Variants in CC2D2A observed in about 807,000 individuals in gnomAD.
CC2D2A encodes the protein coiled-coil and C2 domain-containing protein 2A.
CC2D2A carries 155 observed loss-of-function variants against 212.9 expected under a neutral mutation model. The ratio of observed to expected loss-of-function variants is 0.73; its 90% CI spans 0.64 to 0.83. The LOEUF (loss-of-function observed/expected upper bound fraction) is 0.83. CC2D2A is among the 40% of genes least tolerant of loss of function. The pLI is 0.00. For synonymous variants in CC2D2A, 667 were observed against 686.5 expected (o/e 0.97, Z 0.44); for missense variants, 1,856 against 1,956.2 (o/e 0.95, Z 0.97).
rs747187783 is a variant in CC2D2A, at chr4:15,537,951, A to T, written c.1817A>T (p.Glu606Val). The T allele has an allele frequency of 3.1e-6, 5 of 1,609,924 alleles. No individual in the cohort carries two copies. The highest frequency in any genetic ancestry group is 1.7e-5 in the Admixed American group (1 of 59,500). Residue 606 changes from glutamate (E) to valine (V), a missense_variant, in exon 16 of 37, where the codon GAG (glutamate) becomes GTG (valine). Physicochemically the swap from Glu to Val is moderately radical, Grantham distance 121. Coordinates refer to ENST00000424120, the MANE Select transcript of CC2D2A (RefSeq NM_001378615.1). ...GCAGCAGAAGAACATCCCGGTGATG[A>T]GATTGCAGAGCCGTATCCCGAGGAG... Reference protein sequence around the residue: ...KQAAEEHPGDEIAEPYPEEDL... With the variant: ...KQAAEEHPGDVIAEPYPEEDL...
intron 2 of CC2D2A, among the ~76,000 whole-genome samples, chr4:15,477,301 CAAAA>C (rs368935605): frequency 2.3e-5 from 2 of 86,722 alleles, no homozygotes; most frequent in Admixed American, 1.3e-4. Context: ...GACTCCATCT[CAAAA>C]AAAAAAAAAA....
At chr4:15,581,558 T>A (rs1038015701) in intron 30 of CC2D2A, among the ~76,000 whole-genome samples, 6 of 152,138 alleles carry the variant, frequency 3.9e-5, no homozygotes, top group African/African-American at 1.4e-4. Flanking sequence ...AAGACTGAAT[T>A]AGAGACTCAA....
intron 11 of CC2D2A, among the ~76,000 whole-genome samples, chr4:15,522,595 T>C (rs1213415842): frequency 6.6e-6 from 1 of 152,096 alleles, no homozygotes; most frequent in East Asian, 1.9e-4. Context: ...TATTAGGATG[T>C]TCTTAAATTG....
chr4:15,566,684 T>C (rs1360820231), intron 24 of CC2D2A, among the ~76,000 whole-genome samples: 1 of 152,070 alleles, frequency 6.6e-6, no homozygotes, highest in Non-Finnish European at 1.5e-5. Flanking sequence ...AAAAAGCATC[T>C]TCTCAAGCTG....
chr4:15,514,044 G>T (rs1293432685), intron 8 of CC2D2A, among the ~76,000 whole-genome samples: 1 of 152,156 alleles, frequency 6.6e-6, no homozygotes, highest in East Asian at 1.9e-4. Flanking sequence ...AAGAGAAGAC[G>T]TTTAGAAAAT....
intron 4 of CC2D2A, among the ~76,000 whole-genome samples, chr4:15,501,761 C>T (rs189951082): frequency 8.5e-4 from 130 of 152,136 alleles, no homozygotes; most frequent in African/African-American, 2.9e-3. Flanking sequence ...TTGTGATACC[C>T]GGTGATCATA....
intron 18 of CC2D2A, among the ~76,000 whole-genome samples, chr4:15,551,500 T>C (rs1219679194): frequency 6.6e-6 from 1 of 152,206 alleles, no homozygotes; most frequent in Non-Finnish European, 1.5e-5. Flanking sequence ...CTACAATCTA[T>C]ATAATTTCTT....
At chr4:15,597,257 T>C in intron 34 of CC2D2A, 150 bp from the exon 35 acceptor site, 1 of 649,908 alleles carries the variant, frequency 1.5e-6, no homozygotes, top group East Asian at 2.8e-5. Flanking sequence ...GATGTTTTAC[T>C]TTTGGTGGGT....
chr4:15,473,107 A>AATT (rs1360508353), intron 1 of CC2D2A: 1 of 152,220 alleles, frequency 6.6e-6, no homozygotes, highest in African/African-American at 2.4e-5. Flanking sequence ...CACAGCCAAT[A>AATT]AGTCAGTGAC....
intron 24 of CC2D2A, chr4:15,563,730 C>G (rs1719731432): frequency 1.8e-6 from 1 of 565,500 alleles, no homozygotes; most frequent in Admixed American, 3.0e-5. Context: ...TTAAGAACAT[C>G]TCAAATAACT....
intron 4 of CC2D2A, among the ~76,000 whole-genome samples, chr4:15,494,636 C>A (rs373013979): frequency 6.6e-6 from 1 of 152,310 alleles, no homozygotes; most frequent in South Asian, 2.1e-4. Context: ...CACCAATAAG[C>A]TTTTGGGCCG....
intron 29 of CC2D2A, among the ~76,000 whole-genome samples, 186 bp downstream of exon 29, chr4:15,574,512 C>T (rs1398795430): frequency 1.3e-5 from 2 of 152,170 alleles, no homozygotes; most frequent in African/African-American, 2.4e-5. Flanking sequence ...TGTACTTTCA[C>T]TGAACCAGTA....
At chr4:15,524,139 G>A (rs928326589) in intron 11 of CC2D2A, among the ~76,000 whole-genome samples, 3 of 152,030 alleles carry the variant, frequency 2.0e-5, no homozygotes, top group African/African-American at 7.2e-5. Context: ...GTACATTTTT[G>A]TTTGTTTGTT....
intron 34 of CC2D2A, 25 bp downstream of exon 34, chr4:15,596,232 A>C: frequency 1.4e-6 from 2 of 1,478,354 alleles, no homozygotes; most frequent in Non-Finnish European, 1.8e-6. Flanking sequence ...TTAACAGTTA[A>C]ATGTAGACAA....
At chr4:15,591,005 G>A (rs1319258139) in intron 33 of CC2D2A, among the ~76,000 whole-genome samples, 1 of 152,116 alleles carries the variant, frequency 6.6e-6, no homozygotes, top group African/African-American at 2.4e-5. Context: ...TGGGATTACA[G>A]GCGCGAGCCA....
chr4:15,519,578 T>C (rs1717090509), intron 11 of CC2D2A: 1 of 439,840 alleles, frequency 2.3e-6, no homozygotes, highest in East Asian at 7.0e-5. Flanking sequence ...TACCCAAGCC[T>C]GGGCAATTTA....
chr4:15,508,618 T>A (rs1425333119), intron 6 of CC2D2A, among the ~76,000 whole-genome samples: 1 of 152,208 alleles, frequency 6.6e-6, no homozygotes, highest in Non-Finnish European at 1.5e-5. Flanking sequence ...TGCCAAGCTC[T>A]ACAAGACAGT....
At chr4:15,529,259 G>A (rs1463775518) in intron 13 of CC2D2A, among the ~76,000 whole-genome samples, 1 of 152,084 alleles carries the variant, frequency 6.6e-6, no homozygotes, top group Non-Finnish European at 1.5e-5. Context: ...GTATGTGCAT[G>A]TAGTCCCAAC....
intron 14 of CC2D2A, among the ~76,000 whole-genome samples, chr4:15,533,964 G>A (rs1717987187): frequency 6.6e-6 from 1 of 152,168 alleles, no homozygotes; most frequent in Non-Finnish European, 1.5e-5. Context: ...ATGCCTTCAT[G>A]GGGGTTCTCG....
Sources: gnomAD v4.1 joint callset for allele counts (sites outside exome capture counted in the v4.1 genomes callset) on GRCh38, gnomAD v4.1.1 for gene constraint, MANE v1.5 for transcripts, NCBI Gene and HGNC (gene_info 2026-07-23, HGNC 2026-07-21) for gene names.